EXOC6B: variants seen among roughly 807,000 people sequenced by gnomAD.
The protein encoded by EXOC6B is SEC15 homolog B.
In EXOC6B, 54 loss-of-function variants were observed where a neutral mutation model predicts 113.5. The observed-to-expected ratio is 0.48, with a 90% CI of 0.38 to 0.60. The LOEUF (loss-of-function observed/expected upper bound fraction) is 0.60. EXOC6B is among the 20% of genes least tolerant of loss of function. The pLI, the probability that EXOC6B is intolerant of heterozygous loss-of-function variation, is 0.00. For missense variants in EXOC6B, 797 were observed against 977.5 expected, an observed-to-expected ratio of 0.82 and a Z score of 2.46; for synonymous variants, 357 against 339.0, an observed-to-expected ratio of 1.05 and a Z score of -0.58.
chr2:72,676,306 G>A (rs1049165977), intron 6 of EXOC6B, among the ~76,000 whole-genome samples: 6 of 151,990 alleles, frequency 3.9e-5, no homozygotes, highest in Non-Finnish European at 4.4e-5. Flanking sequence ...ACACTACAAA[G>A]CATCTGATTT....
intron 10 of EXOC6B, among the ~76,000 whole-genome samples, chr2:72,513,816 T>C (rs958030351): frequency 3.3e-5 from 5 of 152,092 alleles, no homozygotes; most frequent in Non-Finnish European, 2.9e-5. Flanking sequence ...TTTGTTATTA[T>C]GCATTTAAAA....
chr2:72,765,490 T>C (rs1053408528), intron 1 of EXOC6B, among the ~76,000 whole-genome samples: 3 of 151,982 alleles, frequency 2.0e-5, no homozygotes. Flanking sequence ...CTGGCTAACA[T>C]GGTGAAACCC....
chr2:72,815,863 C>T (rs1559025549), intron 1 of EXOC6B, among the ~76,000 whole-genome samples: 2 of 152,124 alleles, frequency 1.3e-5, no homozygotes, highest in East Asian at 1.9e-4. Flanking sequence ...AGATACAGTA[C>T]GAAATGTACA....
intron 19 of EXOC6B, among the ~76,000 whole-genome samples, chr2:72,373,285 C>T (rs1432395060): frequency 6.6e-6 from 1 of 151,984 alleles, no homozygotes; most frequent in African/African-American, 2.4e-5. Flanking sequence ...GAACTCCTGA[C>T]CTCAAGTGAT....
chr2:72,739,328 T>C (rs2104806266), intron 2 of EXOC6B, among the ~76,000 whole-genome samples: 1 of 152,280 alleles, frequency 6.6e-6, no homozygotes, highest in South Asian at 2.1e-4. Flanking sequence ...TTCCAAATTG[T>C]AGAGCTCCTT....
intron 8 of EXOC6B, among the ~76,000 whole-genome samples, chr2:72,529,070 TTCC>T (rs1425868714): frequency 6.6e-6 from 1 of 152,156 alleles, no homozygotes; most frequent in Non-Finnish European, 1.5e-5. Flanking sequence ...TGGATAAAAC[TTCC>T]AGCACTATAT....
chr2:72,778,193 G>T lies in EXOC6B; in HGVS notation c.114-36724C>A, dbSNP rs74589333. The stretch of plus-strand genomic sequence containing the variant: ...TTTGTTTGTTTTCTTTGACATGATG[G>T]ACTTTTTAAAAATAGTAACAACATG... On this transcript the variant is annotated intron_variant, in intron 1 of 21. Transcript: ENST00000272427. 2.7e-3 allele frequency among the ~76,000 whole-genome samples: 417 copies of T among 152,202 alleles called. 13 individuals are homozygous for T. In the East Asian group the frequency reaches 0.076, roughly 28 times the overall value.
At chr2:72,817,053 T>A (rs965191623) in intron 1 of EXOC6B, among the ~76,000 whole-genome samples, 1 of 152,214 alleles carries the variant, frequency 6.6e-6, no homozygotes, top group Non-Finnish European at 1.5e-5. Flanking sequence ...CACAAAAAAA[T>A]TTATTCTCCT....
At chr2:72,594,994 C>T (rs1669975296) in intron 6 of EXOC6B, among the ~76,000 whole-genome samples, 1 of 152,100 alleles carries the variant, frequency 6.6e-6, no homozygotes, top group Non-Finnish European at 1.5e-5. Flanking sequence ...CGCAGTGGCT[C>T]ATGCCTGTAA....
chr2:72,813,214 CTAGT>C (rs1686020713), intron 1 of EXOC6B, among the ~76,000 whole-genome samples: 1 of 151,900 alleles, frequency 6.6e-6, no homozygotes, highest in African/African-American at 2.4e-5. Context: ...CTCAGCCTCC[CTAGT>C]TAGTTGGGAC....
At chr2:72,225,578 G>A (rs1420658108) in intron 20 of EXOC6B, among the ~76,000 whole-genome samples, 2 of 152,158 alleles carry the variant, frequency 1.3e-5, no homozygotes, top group African/African-American at 4.8e-5. Context: ...CTTGTCTATG[G>A]AGCAAGGTTA....
intron 20 of EXOC6B, among the ~76,000 whole-genome samples, chr2:72,229,979 T>C (rs1347189082): frequency 6.6e-6 from 1 of 152,010 alleles, no homozygotes; most frequent in Middle Eastern, 3.2e-3. Flanking sequence ...CAATGTTACC[T>C]AGTTAGAAAA....
chr2:72,507,876 G>A (rs1003369545), intron 11 of EXOC6B, among the ~76,000 whole-genome samples: 8 of 151,304 alleles, frequency 5.3e-5, no homozygotes, highest in African/African-American at 1.9e-4. Flanking sequence ...AAGAAGAGAG[G>A]GTGCATTTTT....
intron 20 of EXOC6B, among the ~76,000 whole-genome samples, chr2:72,188,642 T>C (rs964446364): frequency 6.6e-6 from 1 of 152,172 alleles, no homozygotes; most frequent in Non-Finnish European, 1.5e-5. Context: ...CAGACTGACT[T>C]TCAAGGTCAA....
intron 20 of EXOC6B, among the ~76,000 whole-genome samples, chr2:72,215,023 C>A (rs1342056790): frequency 6.6e-6 from 1 of 152,120 alleles, no homozygotes; most frequent in African/African-American, 2.4e-5. Flanking sequence ...AAGTGAATGC[C>A]CTCTCTCATT....
intron 6 of EXOC6B, among the ~76,000 whole-genome samples, chr2:72,610,509 T>TG (rs891907985): frequency 1.3e-5 from 2 of 152,134 alleles, no homozygotes; most frequent in African/African-American, 4.8e-5. Flanking sequence ...TATAAAAATA[T>TG]GGGGGTACAT....
chr2:72,782,230 G>C (rs959232863), intron 1 of EXOC6B, among the ~76,000 whole-genome samples: 1 of 151,344 alleles, frequency 6.6e-6, no homozygotes, highest in Admixed American at 6.6e-5. Context: ...ACCGTTTCTT[G>C]TTTCTTCCCT....
At chr2:72,518,418 T>C (rs1484303901) in intron 8 of EXOC6B, among the ~76,000 whole-genome samples, 1 of 151,794 alleles carries the variant, frequency 6.6e-6, no homozygotes, top group East Asian at 1.9e-4. Context: ...ATTTATAGAC[T>C]ATGGAAGACT....
intron 1 of EXOC6B, among the ~76,000 whole-genome samples, chr2:72,767,033 C>T (rs1156355700): frequency 6.7e-6 from 1 of 149,860 alleles, no homozygotes; most frequent in Admixed American, 6.6e-5. Context: ...ATGTAAAATA[C>T]AGAAGAATGT....
Sources: gnomAD v4.1 joint callset for allele counts (sites outside exome capture counted in the v4.1 genomes callset) on GRCh38, gnomAD v4.1.1 for gene constraint, MANE v1.5 for transcripts, NCBI Gene and HGNC (gene_info 2026-07-23, HGNC 2026-07-21) for gene names.